MCAT: variants seen among roughly 807,000 people sequenced by gnomAD.
The protein encoded by MCAT is malonyl-CoA-acyl carrier protein transacylase.
Under a neutral mutation model 22.9 loss-of-function variants are expected in MCAT, and 22 were observed. The ratio of observed to expected loss-of-function variants is 0.96; its 90% CI spans 0.69 to 1.37. The LOEUF is 1.37. MCAT is among the 40% of genes most tolerant of loss of function. The pLI is 0.00. For missense variants in MCAT, 534 were observed against 533.6 expected, an observed-to-expected ratio of 1.00 and a Z score of -0.01; for synonymous variants, 240 against 233.9, an observed-to-expected ratio of 1.03 and a Z score of -0.24.
In MCAT at chr22:43,141,238, G is replaced by GT. The variant is rs1174390834; in HGVS notation, c.434dup (p.Asn145LysfsTer26). The GT allele has an allele frequency of 6.2e-7, 1 of 1,614,028 alleles. No individual in the cohort carries two copies. Among genetic ancestry groups the GT allele is most frequent in the East Asian group, 2.2e-5 (1 of 44,892 alleles). On this transcript the variant is annotated frameshift_variant, in exon 2 of 4. Transcript: ENST00000290429. LOFTEE classifies it high-confidence loss of function. ...CACTGAATCCAGCAGCAGCAACACA[G>GT]TTCTCAATCACCTGTGGGGACAGAT... is the stretch of plus-strand genomic sequence containing the variant.
rs1930828920 is a variant in MCAT, at chr22:43,143,112, G to A, written c.237C>T (p.Arg79=). 2 of 1,602,726 alleles carry A rather than the reference G, an allele frequency of 1.2e-6. No homozygotes were observed. The highest frequency in any genetic ancestry group is 1.7e-6 in the Non-Finnish European group (2 of 1,178,184). The change falls in exon 1 of 4, where the codon CGC becomes CGT. Residue 79 remains arginine, a synonymous_variant. Transcript: ENST00000290429. ...GGACGCGCGGGTAGTTGAGCAGACC[G>A]CGGCCCATGCCCACCACCTGGCTGC... ...GQGSQVVGMG[R]GLLNYPRVRE... is the part of the protein sequence containing the mutation.
intron 2 of MCAT, among the ~76,000 whole-genome samples, chr22:43,140,319 T>A (rs764788473): frequency 1.4e-4 from 21 of 152,126 alleles, no homozygotes; most frequent in Non-Finnish European, 2.2e-4. Flanking sequence ...GAATTACAGA[T>A]GCATGCCACT....
In MCAT at chr22:43,132,945, C is replaced by T; in HGVS notation, c.*98G>A. Reference sequence around the variant, plus strand: ...TTGCAAACAAATCCCTTTCACTCCTCAGAGGAGGAGCCATTAGGAAGGTAG... The same window carrying T: ...TTGCAAACAAATCCCTTTCACTCCTTAGAGGAGGAGCCATTAGGAAGGTAG... On this transcript the variant is annotated 3_prime_UTR_variant, in exon 4 of 4. Transcript: ENST00000290429. The T allele has an allele frequency of 8.7e-7, 1 of 1,152,350 alleles. No homozygotes were observed. 71.4% of individuals were successfully genotyped at this position (1,152,350 alleles called of 1,614,324 possible). A position where few individuals can be genotyped will look rare whatever the true frequency, so the allele number is the denominator to read the frequency against.
rs1930487231 is a variant in MCAT, at chr22:43,132,921, T to C, written c.*122A>G. On this transcript the variant is annotated 3_prime_UTR_variant, in exon 4 of 4. Transcript: ENST00000290429. ...TTTTTATGTGGCCTTCAAAGCACGT[T>C]GCAAACAAATCCCTTTCACTCCTCA... 4 of 867,762 alleles carry C rather than the reference T, an allele frequency of 4.6e-6. No individual in the cohort carries two copies. The highest frequency in any genetic ancestry group is 2.5e-5 in the East Asian group (1 of 40,014). The allele number at this position is 867,762 out of a possible 1,614,324, so 53.8% of individuals were successfully genotyped here.
chr22:43,133,119 C>T lies in MCAT; in HGVS notation c.1097G>A (p.Trp366Ter), dbSNP rs763154859. The T allele has an allele frequency of 6.2e-7, 1 of 1,614,098 alleles. No individual in the cohort carries two copies. The highest frequency in any genetic ancestry group is 1.3e-5 in the African/African-American group (1 of 74,928). ...CACATCCACGGCGCTGTAGGACTTC[C>T]AGGCCTGCATGTTACAGCTCTTCAG... ...AILKSCNMQA[W>*]KSYSAVDVLQ... The change falls in exon 4 of 4, where the codon TGG becomes TAG. Residue 366 changes from tryptophan (W) to a stop codon, truncating the protein, a stop_gained. Transcript: ENST00000290429. LOFTEE classifies it low-confidence loss of function (END_TRUNC).
chr22:43,133,700 C>T (rs577438319), intron 3 of MCAT, among the ~76,000 whole-genome samples: 1 of 152,272 alleles, frequency 6.6e-6, no homozygotes, highest in South Asian at 2.1e-4. Flanking sequence ...AGCACAGTTC[C>T]ATCTACTTCA....
chr22:43,133,181 A>G lies in MCAT; in HGVS notation c.1035T>C (p.Thr345=). The G allele has an allele frequency of 2.5e-6, 4 of 1,614,186 alleles. No homozygotes were observed. The highest frequency in any genetic ancestry group is 3.4e-6 in the Non-Finnish European group (4 of 1,180,024). ...ERKKGRGFPQ[T]FEVGPGRQLG... ...GCTGCCTGCCAGGGCCTACTTCGAA[A>G]GTTTGGGGGAACCCCCTGCCCTTTT... The change falls in exon 4 of 4, where the codon ACT becomes ACC. Residue 345 remains threonine (T), a synonymous_variant. Coordinates refer to ENST00000290429, the MANE Select transcript of MCAT (RefSeq NM_173467.5).
chr22:43,137,474 C>T (rs1388436499), intron 2 of MCAT, among the ~76,000 whole-genome samples, 176 bp from the exon 3 acceptor site: 2 of 152,216 alleles, frequency 1.3e-5, no homozygotes, highest in Non-Finnish European at 2.9e-5. Flanking sequence ...AAGCGCTCAC[C>T]ACCAAAAGTA....
intron 1 of MCAT, among the ~76,000 whole-genome samples, chr22:43,142,451 C>T (rs2147038625): frequency 6.6e-6 from 1 of 151,944 alleles, no homozygotes; most frequent in East Asian, 1.9e-4. Flanking sequence ...TGCGCCATTG[C>T]ACTCCAGCCT....
chr22:43,141,683 T>G (rs1023645913), intron 1 of MCAT, among the ~76,000 whole-genome samples: 2 of 152,190 alleles, frequency 1.3e-5, no homozygotes, highest in African/African-American at 4.8e-5. Flanking sequence ...GCAATTCTCC[T>G]GCCTCAGCCT....
chr22:43,137,385 C>G, intron 2 of MCAT, 87 bp from the exon 3 acceptor site: 1 of 1,090,006 alleles, frequency 9.2e-7, no homozygotes, highest in Non-Finnish European at 1.3e-6. Flanking sequence ...CCAAGCTCCA[C>G]TCTGCACTAG....
At chr22:43,136,680 C>T (rs1298221318) in intron 3 of MCAT, among the ~76,000 whole-genome samples, 1 of 152,208 alleles carries the variant, frequency 6.6e-6, no homozygotes, top group East Asian at 1.9e-4. Flanking sequence ...GAAATGAACT[C>T]CAGGGCAAAA....
At chr22:43,133,771 G>A (rs1320923497) in intron 3 of MCAT, among the ~76,000 whole-genome samples, 6 of 151,932 alleles carry the variant, frequency 3.9e-5, no homozygotes, top group Admixed American at 1.3e-4. Context: ...AGAGGAAAAC[G>A]CACTATCTAA....
chr22:43,135,034 G>C (rs1930562855), intron 3 of MCAT, among the ~76,000 whole-genome samples: 2 of 152,252 alleles, frequency 1.3e-5, no homozygotes, highest in Admixed American at 1.3e-4. Context: ...GGGCCACAGG[G>C]CTCAAGGTCA....
At chr22:43,139,464 T>G (rs1464394171) in intron 2 of MCAT, among the ~76,000 whole-genome samples, 1 of 152,072 alleles carries the variant, frequency 6.6e-6, no homozygotes, top group Non-Finnish European at 1.5e-5. Context: ...AGGCTGAGGC[T>G]GCAGTGAGCT....
chr22:43,137,468 G>A (rs955979173), intron 2 of MCAT, among the ~76,000 whole-genome samples, 170 bp from the exon 3 acceptor site: 27 of 152,294 alleles, frequency 1.8e-4, no homozygotes, highest in African/African-American at 6.5e-4. Context: ...CTGCACAAGC[G>A]CTCACCACCA....
At chr22:43,142,136 G>C (rs2147038393) in intron 1 of MCAT, among the ~76,000 whole-genome samples, 1 of 152,284 alleles carries the variant, frequency 6.6e-6, no homozygotes, top group Non-Finnish European at 1.5e-5. Context: ...ATAGGGTAAA[G>C]GATCTCAAGT....
chr22:43,142,307 C>G (rs1601745818), intron 1 of MCAT, among the ~76,000 whole-genome samples: 2 of 148,394 alleles, frequency 1.3e-5, no homozygotes, highest in Non-Finnish European at 3.0e-5. Context: ...GGTGGGTGAA[C>G]CTGGGAGGAT....
At chr22:43,140,210 C>T (rs1930730420) in intron 2 of MCAT, among the ~76,000 whole-genome samples, 1 of 152,042 alleles carries the variant, frequency 6.6e-6, no homozygotes, top group Non-Finnish European at 1.5e-5. Flanking sequence ...CAGGGTCTTG[C>T]TCTGTCACCC....
Sources: allele counts gnomAD v4.1 joint callset (sites outside exome capture counted in the v4.1 genomes callset), GRCh38; gene constraint gnomAD v4.1.1; transcripts MANE v1.5; gene names NCBI Gene and HGNC (gene_info 2026-07-23, HGNC 2026-07-21).